The following VGF variants were observed in gnomAD, a reference collection of about 807,000 sequenced individuals.
VGF encodes the protein neurosecretory protein VGF.
In VGF, 13 loss-of-function variants were observed where a neutral mutation model predicts 41.1. The observed-to-expected ratio is 0.32, with a 90% confidence interval of 0.21 to 0.50. The LOEUF is 0.50. Among genes scored for constraint, VGF ranks in the 20% least tolerant of loss-of-function variants. VGF has a pLI of 0.98. For missense variants in VGF, 920 were observed against 882.1 expected (o/e 1.04, Z -0.54); for synonymous variants, 473 against 418.3 (o/e 1.13, Z -1.60).
At chr7:101,165,069 G>A in intron 1 of VGF, 1 of 1,259,846 alleles carries the variant, frequency 7.9e-7, no homozygotes, top group Non-Finnish European at 1.0e-6. Flanking sequence ...AACCCCCGAA[G>A]CCCTCGCTTA....
Position 101,163,269 on chromosome 7 carries a change from C to G in VGF, c.1575G>C (p.Glu525Asp). Residue 525 changes from glutamate (E) to aspartate (D), a missense_variant, in exon 2 of 2, where the codon GAG (glutamate) becomes GAC (aspartate). Physicochemically the swap from Glu to Asp is conservative, Grantham distance 45 (BLOSUM62 2). Around this residue, in one of 3 missense-constraint regions of VGF, gnomAD observed 257 missense variants for 217.2 expected, o/e 1.18. Transcript: ENST00000249330. This position sits in a 1 kb window ranked among gnomAD's most constrained non-coding sequence, Gnocchi z 5.0. ...CCTCCCGATCCCAGGGCGGGAGCACCTCGTTCCAGTCCGGCAGCTCGTCTC... is the reference window on the plus strand; with the variant it reads ...CCTCCCGATCCCAGGGCGGGAGCACGTCGTTCCAGTCCGGCAGCTCGTCTC... ...PARDELPDWN[E>D]VLPPWDREED... The G allele has an allele frequency of 2.0e-6, 3 of 1,511,042 alleles. No individual in the cohort carries two copies. Among genetic ancestry groups the G allele is most frequent in the Non-Finnish European group, 8.8e-7 (1 of 1,136,536 alleles). 93.6% of individuals were successfully genotyped at this position (1,511,042 alleles called of 1,614,324 possible).
chr7:101,169,231 CAAGA>C (rs902447138), upstream of VGF, among the ~76,000 whole-genome samples: 3 of 151,406 alleles, frequency 2.0e-5, no homozygotes, highest in African/African-American at 7.3e-5. Flanking sequence ...GATGAGTCAC[CAAGA>C]AAGAGAGAGA....
chr7:101,166,776 TG>T (rs913291347), upstream of VGF, among the ~76,000 whole-genome samples: 1 of 9,714 alleles, frequency 1.0e-4, no homozygotes, highest in Non-Finnish European at 2.0e-4. Flanking sequence ...TGGGCGGGGG[TG>T]GGGGGGAGGA....
rs1412304964 is a variant in VGF at position 101,162,609 on chromosome 7, T to TG, written c.*386dup. On this transcript the variant is annotated 3_prime_UTR_variant, in exon 2 of 2. Coordinates refer to ENST00000249330, the MANE Select transcript of VGF (RefSeq NM_003378.4). The surrounding 1 kb of genome is among the most constrained non-coding windows in gnomAD (Gnocchi z 4.2). Reference sequence around the variant, plus strand: ...AAGAAGGGGTCAATTCACAGCGACTTGGAGAGGCTGGAGGGGCTCGTGGGA... The same window carrying TG: ...AAGAAGGGGTCAATTCACAGCGACTTGGGAGAGGCTGGAGGGGCTCGTGGGA... The TG allele has an allele frequency of 3.1e-6, 1 of 323,292 alleles. No individual in the cohort carries two copies. Among genetic ancestry groups the TG allele is most frequent in the Non-Finnish European group, 6.0e-6 (1 of 166,488 alleles). The allele number at this position is 323,292 out of a possible 1,614,324, so 20.0% of individuals were successfully genotyped here. A position where few individuals can be genotyped will look rare whatever the true frequency, so the allele number is the denominator to read the frequency against.
At chr7:101,165,311 AAC>A in intron 1 of VGF, 61 bp downstream of exon 1, 1 of 986,396 alleles carries the variant, frequency 1.0e-6, no homozygotes, top group Non-Finnish European at 1.2e-6. Context: ...GAGGAGAGAG[AAC>A]CCTCCCTCAC....
rs1457090331 is a variant in VGF, at chr7:101,163,150, T to TGGC, written c.1691_1693dup (p.Arg564dup). On this transcript the variant is annotated inframe_insertion, in exon 2 of 2. Coordinates refer to ENST00000249330, the MANE Select transcript of VGF (RefSeq NM_003378.4). The surrounding 1 kb of genome is among the most constrained non-coding windows in gnomAD (Gnocchi z 5.0). ...CGAAGGCGGCAAGGCGTGGTGGTAGTGGCGGCGGCGCAAGGCCGAGGGCGG... is the reference window on the plus strand; with the variant it reads ...CGAAGGCGGCAAGGCGTGGTGGTAGTGGCGGCGGCGGCGCAAGGCCGAGGGCGG... 1.3e-6 allele frequency: 2 copies of TGGC among 1,578,926 alleles called. No homozygotes were observed. The highest frequency in any genetic ancestry group is 2.8e-5 in the African/African-American group (2 of 71,018).
chr7:101,166,105 A>G (rs1797214572), upstream of VGF, among the ~76,000 whole-genome samples: 1 of 152,216 alleles, frequency 6.6e-6, no homozygotes. Context: ...CCCCGAGACC[A>G]CGCGCCCAAG....
chr7:101,163,776 C>T lies in VGF; in HGVS notation c.1068G>A (p.Glu356=), dbSNP rs1469096426. The change falls in exon 2 of 2, where the codon GAG becomes GAA. Residue 356 remains glutamate, a synonymous_variant. Transcript: ENST00000249330. The surrounding 1 kb of genome is among the most constrained non-coding windows in gnomAD (Gnocchi z 5.0). ...LGGRGLQEAA[E]ERESAREEEE... is the part of the protein sequence containing the mutation. Reference sequence around the variant, plus strand: ...CCTCCTCCCTTGCACTCTCTCGCTCCTCCGCCGCCTCCTGCAGCCCCCGAC... The same window carrying T: ...CCTCCTCCCTTGCACTCTCTCGCTCTTCCGCCGCCTCCTGCAGCCCCCGAC... 8.5e-6 allele frequency: 13 copies of T among 1,530,556 alleles called. No homozygotes were observed. The South Asian group carries it at 1.3e-4, about 15-fold the overall frequency. The allele number at this position is 1,530,556 out of a possible 1,614,324, so 94.8% of individuals were successfully genotyped here. A position where few individuals can be genotyped will look rare whatever the true frequency, so the allele number is the denominator to read the frequency against.
upstream of VGF, among the ~76,000 whole-genome samples, chr7:101,167,929 A>G (rs1797244629): frequency 6.7e-6 from 1 of 149,418 alleles, no homozygotes; most frequent in South Asian, 2.1e-4. This position sits in a 1 kb window ranked among gnomAD's most constrained non-coding sequence, Gnocchi z 4.2. Context: ...GTGATGTTCT[A>G]TTCCAGTCTG....
At position 101,163,694 on chromosome 7, in the gene VGF, C is replaced by T. The variant is rs1418499512; in HGVS notation, c.1150G>A (p.Glu384Lys). ...GEERVGEEDEEAAEAEAEAEE... is the reference protein window; with the variant it reads ...GEERVGEEDEKAAEAEAEAEE... ...GCCTCTGCCTCCGCCTCGGCCGCCT[C>T]CTCATCCTCTTCCCCCACCCTCTCC... Residue 384 changes from glutamate to lysine, a missense_variant, in exon 2 of 2, where the codon GAG (glutamate) becomes AAG (lysine). Physicochemically the swap from Glu to Lys is moderately conservative, Grantham distance 56. Around this residue, in one of 3 missense-constraint regions of VGF, gnomAD observed 654 missense variants for 638.4 expected, o/e 1.02. Coordinates refer to ENST00000249330, the MANE Select transcript of VGF (RefSeq NM_003378.4). This position sits in a 1 kb window ranked among gnomAD's most constrained non-coding sequence, Gnocchi z 5.0. The T allele has an allele frequency of 1.3e-6, 2 of 1,536,900 alleles. No homozygotes were observed. Among genetic ancestry groups the T allele is most frequent in the Non-Finnish European group, 1.7e-6 (2 of 1,146,960 alleles).
In VGF at chr7:101,162,970, CGCGGGGGCGG is replaced by C. The variant is rs752200712; in HGVS notation, c.*16_*25del. ...CCGGCGCGCGCGCGCGGCGGGGGCG[CGCGGGGGCGG>C]GACCGGGAAGGGCAGTCACGGGCGC... On this transcript the variant is annotated 3_prime_UTR_variant, in exon 2 of 2. Coordinates refer to ENST00000249330, the MANE Select transcript of VGF (RefSeq NM_003378.4). The surrounding 1 kb of genome is among the most constrained non-coding windows in gnomAD (Gnocchi z 4.2). The C allele has an allele frequency of 1.6e-6, 2 of 1,214,804 alleles. No individual in the cohort carries two copies. Among genetic ancestry groups the C allele is most frequent in the Non-Finnish European group, 2.1e-6 (2 of 948,832 alleles). 75.3% of individuals were successfully genotyped at this position (1,214,804 alleles called of 1,614,324 possible).
Position 101,164,503 on chromosome 7 carries a change from A to T in VGF, c.341T>A (p.Leu114Gln). The T allele has an allele frequency of 6.2e-7, 1 of 1,600,798 alleles. No individual in the cohort carries two copies. The highest frequency in any genetic ancestry group is 8.5e-7 in the Non-Finnish European group (1 of 1,179,108). ...QGPEEEAAEALLTETVRSQTH... is the reference protein window; with the variant it reads ...QGPEEEAAEAQLTETVRSQTH... ...CTGGCTGCGCACGGTCTCGGTCAGC[A>T]GAGCTTCAGCTGCTTCTTCCTCCGG... Residue 114 changes from leucine (L) to glutamine (Q), a missense_variant, in exon 2 of 2, where the codon CTG becomes CAG. Physicochemically the swap from Leu to Gln is moderately radical, Grantham distance 113. Transcript: ENST00000249330.
rs1259449381 is a variant in VGF at position 101,163,417 on chromosome 7, A to G, written c.1427T>C (p.Val476Ala). 1.9e-6 allele frequency: 3 copies of G among 1,607,912 alleles called. No homozygotes were observed. Among genetic ancestry groups the G allele is most frequent in the Non-Finnish European group, 2.5e-6 (3 of 1,179,464 alleles). The part of the protein sequence containing the change: ...ADDVVSIIEE[V>A]EEKRKRKKNA... ...CTTCTTCCGCTTCCGCTTCTCCTCC[A>G]CCTCCTCGATGATGCTGACCACGTC... Residue 476 changes from valine (V) to alanine (A), a missense_variant, in exon 2 of 2, where the codon GTG (valine) becomes GCG (alanine). Around this residue, in one of 3 missense-constraint regions of VGF, gnomAD observed 257 missense variants for 217.2 expected, o/e 1.18. Transcript: ENST00000249330. The surrounding 1 kb of genome is among the most constrained non-coding windows in gnomAD (Gnocchi z 5.0).
In VGF at chr7:101,163,290, G is replaced by C; in HGVS notation, c.1554C>G (p.Asp518Glu). ...GCACCTCGTTCCAGTCCGGCAGCTC[G>C]TCTCGTGCGGGAGCGGGGGCGGGGG... ...PPPPAPAPAR[D>E]ELPDWNEVLP... Residue 518 changes from aspartate (D) to glutamate (E), a missense_variant, in exon 2 of 2, where the codon GAC becomes GAG. By Grantham distance (45) the Asp-to-Glu change is conservative. Around this residue, in one of 3 missense-constraint regions of VGF, gnomAD observed 257 missense variants for 217.2 expected, o/e 1.18. Coordinates refer to ENST00000249330, the MANE Select transcript of VGF (RefSeq NM_003378.4). The surrounding 1 kb of genome is among the most constrained non-coding windows in gnomAD (Gnocchi z 5.0). 6.7e-7 allele frequency: 1 copy of C among 1,492,884 alleles called. No homozygotes were observed. The highest frequency in any genetic ancestry group is 8.8e-7 in the Non-Finnish European group (1 of 1,131,780). 92.5% of individuals were successfully genotyped at this position (1,492,884 alleles called of 1,614,324 possible).
Position 101,165,511 on chromosome 7 carries a change from T to G in VGF, c.-158A>C. On this transcript the variant is annotated 5_prime_UTR_variant, in exon 1 of 2. Transcript: ENST00000249330. ...GGTCGAGGTCTGGCGTCCCGTGGGC[T>G]GGGCTCAGCTGGGTCGGCGCGGCTC... The G allele has an allele frequency of 7.1e-6, 7 of 985,434 alleles. No homozygotes were observed. Among genetic ancestry groups the G allele is most frequent in the Non-Finnish European group, 8.4e-6 (7 of 829,954 alleles). 61.0% of individuals were successfully genotyped at this position (985,434 alleles called of 1,614,324 possible). A position where few individuals can be genotyped will look rare whatever the true frequency, so the allele number is the denominator to read the frequency against.
At position 101,162,953 on chromosome 7, in the gene VGF, C is replaced by T; in HGVS notation, c.*43G>A. On this transcript the variant is annotated 3_prime_UTR_variant, in exon 2 of 2. Transcript: ENST00000249330. This position sits in a 1 kb window ranked among gnomAD's most constrained non-coding sequence, Gnocchi z 4.2. The stretch of plus-strand genomic sequence containing the variant: ...CAACACGGAGGGGGGCGCCGGCGCG[C>T]GCGCGCGGCGGGGGCGCGCGGGGGC... 2 of 1,040,514 alleles carry T rather than the reference C, an allele frequency of 1.9e-6. No homozygotes were observed. The highest frequency in any genetic ancestry group is 1.7e-5 in the African/African-American group (1 of 58,564). The allele number at this position is 1,040,514 out of a possible 1,614,324, so 64.5% of individuals were successfully genotyped here.
rs1584209597 is a variant in VGF, at chr7:101,163,040, C to T, written c.1804G>A (p.Glu602Lys). The stretch of plus-strand genomic sequence containing the variant: ...ACGTGCTCGATGTAATTCTCCAGCT[C>T]CTCCTGCTCCTGCAGCCGGCGCTCC... ...AEERRLQEQE[E>K]LENYIEHVLL... Residue 602 changes from glutamate to lysine, a missense_variant, in exon 2 of 2, where the codon GAG becomes AAG. Coordinates refer to ENST00000249330, the MANE Select transcript of VGF (RefSeq NM_003378.4). The surrounding 1 kb of genome is among the most constrained non-coding windows in gnomAD (Gnocchi z 5.0). The T allele has an allele frequency of 3.2e-6, 5 of 1,568,676 alleles. No homozygotes were observed. Among genetic ancestry groups the T allele is most frequent in the Admixed American group, 3.7e-5 (2 of 54,698 alleles).
chr7:101,169,236 AAGAG>A (rs999878747), upstream of VGF, among the ~76,000 whole-genome samples: 6 of 152,042 alleles, frequency 3.9e-5, no homozygotes, highest in South Asian at 2.1e-4. Flanking sequence ...GTCACCAAGA[AAGAG>A]AGAGAGAAAG....
Position 101,165,566 on chromosome 7 carries a change from C to T in VGF, c.-213G>A. 1 of 985,428 alleles carries T rather than the reference C, an allele frequency of 1.0e-6. No homozygotes were observed. Among genetic ancestry groups the T allele is most frequent in the Non-Finnish European group, 1.2e-6 (1 of 829,932 alleles). The allele number at this position is 985,428 out of a possible 1,614,324, so 61.0% of individuals were successfully genotyped here. A position where few individuals can be genotyped will look rare whatever the true frequency, so the allele number is the denominator to read the frequency against. ...CGGCTAGCTCGCTCCGGCTTCAGCA[C>T]GCTGGACAGCGCCCGCGCCTCCACC... On this transcript the variant is annotated 5_prime_UTR_variant, in exon 1 of 2. It adds an upstream start codon to the 5' untranslated region. Coordinates refer to ENST00000249330, the MANE Select transcript of VGF (RefSeq NM_003378.4).
Sources: allele counts gnomAD v4.1 joint callset (sites outside exome capture counted in the v4.1 genomes callset), GRCh38; gene constraint gnomAD v4.1.1; regional missense constraint gnomAD v4.1.1; non-coding constraint Gnocchi (gnomAD v3.1); transcripts MANE v1.5; gene names NCBI Gene and HGNC (gene_info 2026-07-23, HGNC 2026-07-21).